The following CSMD2 variants were observed in gnomAD, a reference collection of about 807,000 sequenced individuals.
CSMD2 encodes the protein CUB and sushi domain-containing protein 2.
Under a neutral mutation model 398.5 loss-of-function variants are expected in CSMD2, and 130 were observed. That is an observed-to-expected ratio of 0.33 (90% CI 0.28 to 0.38). The LOEUF (loss-of-function observed/expected upper bound fraction) is 0.38, where lower values mean the gene tolerates loss of function less well. CSMD2 is among the 10% of genes least tolerant of loss of function. The pLI, the probability that CSMD2 is intolerant of heterozygous loss-of-function variation, is 1.00. For missense variants in CSMD2, 3,829 were observed against 4,764.9 expected, an observed-to-expected ratio of 0.80 and a Z score of 5.78; for synonymous variants, 1,828 against 1,908.5, an observed-to-expected ratio of 0.96 and a Z score of 1.10.
intron 2 of CSMD2, 126 bp from the exon 3 acceptor site, chr1:34,032,832 A>G (rs1305778138): frequency 1.5e-6 from 1 of 646,442 alleles, no homozygotes; most frequent in Non-Finnish European, 2.6e-6. Context: ...GTTCAAAGAC[A>G]AAGTGATTCT....
chr1:33,600,191 T>C (rs1400886539), intron 44 of CSMD2: 15 of 715,782 alleles, frequency 2.1e-5, no homozygotes, highest in Non-Finnish European at 3.9e-5. Flanking sequence ...AAGGTGGAGC[T>C]GGGAGTAAAA....
At chr1:33,727,992 C>A (rs1472643354) in intron 15 of CSMD2, among the ~76,000 whole-genome samples, 1 of 152,176 alleles carries the variant, frequency 6.6e-6, no homozygotes, top group African/African-American at 2.4e-5. Context: ...TCACTCTTTG[C>A]AAAACAAAAT....
intron 1 of CSMD2, among the ~76,000 whole-genome samples, chr1:34,106,978 G>C (rs1660588787): frequency 1.3e-5 from 2 of 152,130 alleles, no homozygotes; most frequent in South Asian, 2.1e-4. Context: ...ACTAGTCAAG[G>C]GTTGTTTATT....
chr1:33,536,979 G>A (rs1178382315), intron 62 of CSMD2, 43 bp downstream of exon 62: 1 of 1,564,444 alleles, frequency 6.4e-7, no homozygotes, highest in South Asian at 1.1e-5. Flanking sequence ...GTGACAAGAA[G>A]GGATAGGATG....
At chr1:33,623,134 G>A (rs537849531) in intron 36 of CSMD2, among the ~76,000 whole-genome samples, 1 of 152,196 alleles carries the variant, frequency 6.6e-6, no homozygotes, top group Non-Finnish European at 1.5e-5. Context: ...CTGGGGAGGG[G>A]AGTGCAAATG....
chr1:33,641,199 G>T (rs1427593414), intron 29 of CSMD2, among the ~76,000 whole-genome samples: 1 of 152,108 alleles, frequency 6.6e-6, no homozygotes, highest in Non-Finnish European at 1.5e-5. Context: ...CTTACTTCTT[G>T]CTGTTTCCCT....
At chr1:34,045,470 C>A (rs776375896) in intron 2 of CSMD2, among the ~76,000 whole-genome samples, 3 of 152,232 alleles carry the variant, frequency 2.0e-5, no homozygotes, top group Non-Finnish European at 4.4e-5. Flanking sequence ...AAAAACCCAA[C>A]TTATGTCCAA....
intron 2 of CSMD2, among the ~76,000 whole-genome samples, chr1:34,076,909 CAA>C (rs1160217243): frequency 8.2e-3 from 84 of 10,204 alleles, no homozygotes; most frequent in African/African-American, 0.013. Context: ...TACAGCAAAG[CAA>C]AAAAAAAAAA....
intron 3 of CSMD2, among the ~76,000 whole-genome samples, chr1:33,949,648 G>A (rs568010750): frequency 2.6e-5 from 4 of 152,212 alleles, no homozygotes; most frequent in Non-Finnish European, 5.9e-5. Flanking sequence ...TCAGGGATGA[G>A]GGGAAGGAAT....
At chr1:33,577,231 G>C (rs1221113379) in intron 49 of CSMD2, 65 bp downstream of exon 49, 1 of 1,475,192 alleles carries the variant, frequency 6.8e-7, no homozygotes, top group Admixed American at 2.0e-5. Flanking sequence ...ACTAGTCCTG[G>C]GACAAACCCA....
intron 4 of CSMD2, among the ~76,000 whole-genome samples, chr1:33,930,863 G>A (rs559446934): frequency 9.7e-4 from 148 of 152,288 alleles, no homozygotes; most frequent in Admixed American, 2.2e-3. Flanking sequence ...GCCTCCTTGG[G>A]GGTCGGCCTT....
Position 33,742,587 on chromosome 1 carries a change from C to T in CSMD2, c.2173+693G>A, listed in dbSNP as rs998427430. Among the ~76,000 whole-genome samples, 555 of 141,446 alleles carry T rather than the reference C, an allele frequency of 3.9e-3. 6 individuals carry two copies. The highest frequency in any genetic ancestry group is 0.014 in the African/African-American group (502 of 37,120). The allele number at this position is 141,446 out of a possible 152,430, so 92.8% of individuals were successfully genotyped here. A position where few individuals can be genotyped will look rare whatever the true frequency, so the allele number is the denominator to read the frequency against. ...AGTCACCAAGCTTCTGCCCCCCCCC[C>T]CCCAACCCCCTCTGTAACCACGAGA... is the stretch of plus-strand genomic sequence containing the variant. On this transcript the variant is annotated intron_variant, in intron 14 of 70. Transcript: ENST00000373381.
At chr1:33,839,401 T>C (rs1412602689) in intron 6 of CSMD2, 2 of 152,872 alleles carry the variant, frequency 1.3e-5, no homozygotes, top group Admixed American at 1.3e-4. Flanking sequence ...AACAAAGCTA[T>C]TGCTATAATG....
rs1028550656 is a variant in CSMD2, at chr1:33,541,267, C to T, written c.9320G>A (p.Arg3107Gln). ...GDPGIPANGL[R>Q]LGNDFRYNKT... ...GTTGTACCTGAAGTCATTGCCCAGCCGAAGGCCATTGGCTGGAATCCCAGG... is the reference window on the plus strand; with the variant it reads ...GTTGTACCTGAAGTCATTGCCCAGCTGAAGGCCATTGGCTGGAATCCCAGG... Residue 3107 changes from arginine (R) to glutamine (Q), a missense_variant, in exon 59 of 71, where the codon CGG becomes CAG. Coordinates refer to ENST00000373381, the MANE Select transcript of CSMD2 (RefSeq NM_001281956.2). 1.4e-5 allele frequency: 23 copies of T among 1,613,940 alleles called. No homozygotes were observed. The highest frequency in any genetic ancestry group is 2.2e-5 in the East Asian group (1 of 44,884).
At chr1:33,520,143 AG>A (rs1397540332) in intron 68 of CSMD2, among the ~76,000 whole-genome samples, 193 bp from the exon 69 acceptor site, 6 of 152,212 alleles carry the variant, frequency 3.9e-5, no homozygotes, top group Non-Finnish European at 7.3e-5. Flanking sequence ...CCTTGGGGGC[AG>A]GGTCCTGCAT....
intron 3 of CSMD2, among the ~76,000 whole-genome samples, chr1:33,962,960 G>A (rs767899320): frequency 6.6e-6 from 1 of 152,176 alleles, no homozygotes; most frequent in Non-Finnish European, 1.5e-5. Flanking sequence ...TGTCCTTAGG[G>A]CTTAGAGCAA....
rs756820636 is a variant in CSMD2, at chr1:33,605,349, G to T, written c.6465C>A (p.Gly2155=). Residue 2155 remains glycine, a synonymous_variant, in exon 42 of 71, where the codon GGC becomes GGA. Coordinates refer to ENST00000373381, the MANE Select transcript of CSMD2 (RefSeq NM_001281956.2). ...CATGTTGACACGTGAGGACAGGGTG[G>T]CCAGTCAATTGATACCCCGGGAGGC... ...FECLPGYQLT[G]HPVLTCQHGT... 1.1e-5 allele frequency: 18 copies of T among 1,614,042 alleles called. No individual in the cohort carries two copies. The highest frequency in any genetic ancestry group is 1.4e-5 in the Non-Finnish European group (17 of 1,180,030).
intron 44 of CSMD2, among the ~76,000 whole-genome samples, chr1:33,595,360 C>G (rs1639768150): frequency 6.6e-6 from 1 of 152,190 alleles, no homozygotes; most frequent in African/African-American, 2.4e-5. Context: ...GTGATGCTGG[C>G]TTCTTCTCAC....
At chr1:33,616,687 G>A (rs995110552) in intron 39 of CSMD2, among the ~76,000 whole-genome samples, 2 of 152,226 alleles carry the variant, frequency 1.3e-5, no homozygotes, top group African/African-American at 2.4e-5. Flanking sequence ...CAGACCTCCT[G>A]TAACTTTTCA....
Sources: gnomAD v4.1 joint callset for allele counts (sites outside exome capture counted in the v4.1 genomes callset) on GRCh38, gnomAD v4.1.1 for gene constraint, MANE v1.5 for transcripts, NCBI Gene and HGNC (gene_info 2026-07-23, HGNC 2026-07-21) for gene names.